Variants in SLC39A9 observed in about 807,000 individuals in gnomAD.
SLC39A9 encodes the protein solute carrier family 39 member 9.
In SLC39A9, 14 loss-of-function variants were observed where a neutral mutation model predicts 28.4. The observed-to-expected ratio is 0.49, with a 90% CI of 0.33 to 0.77. SLC39A9 has a LOEUF of 0.77. Ranked by LOEUF, SLC39A9 falls within the 30% of genes least tolerant of loss-of-function variation. The pLI is 0.02. For missense variants in SLC39A9, 283 were observed against 381.1 expected (o/e 0.74, Z 2.14); for synonymous variants, 119 against 149.6 (o/e 0.80, Z 1.49).
rs1298156997 is a variant in SLC39A9, at chr14:69,453,268, C to G, written c.431C>G (p.Ser144Cys). The change falls in exon 4 of 7, where the codon TCC becomes TGC. Residue 144 changes from serine to cysteine, a missense_variant. Physicochemically the swap from Ser to Cys is moderately radical, Grantham distance 112. Transcript: ENST00000336643. ...CCAGAAGCAGCAAGGTCTAGCAATT[C>G]CAAAATCACCACCACGCTGGGTCTG... ...DDPEAARSSN[S>C]KITTTLGLVV... 4 of 1,613,844 alleles carry G rather than the reference C, an allele frequency of 2.5e-6. No homozygotes were observed. The highest frequency in any genetic ancestry group is 3.4e-6 in the Non-Finnish European group (4 of 1,179,898).
At chr14:69,429,629 G>A (rs934033741) in intron 2 of SLC39A9, among the ~76,000 whole-genome samples, 1 of 152,188 alleles carries the variant, frequency 6.6e-6, no homozygotes, top group Non-Finnish European at 1.5e-5. Flanking sequence ...GAAGTGGGGG[G>A]ATTGCTTGAG....
chr14:69,407,925 C>T (rs1883033449), intron 1 of SLC39A9, among the ~76,000 whole-genome samples: 1 of 152,168 alleles, frequency 6.6e-6, no homozygotes, highest in African/African-American at 2.4e-5. Context: ...CCACCGCACC[C>T]GGCCCTGCTA....
intron 1 of SLC39A9, among the ~76,000 whole-genome samples, chr14:69,404,344 G>T (rs1158575516): frequency 6.6e-6 from 1 of 152,196 alleles, no homozygotes; most frequent in African/African-American, 2.4e-5. Flanking sequence ...GTCTGAGACA[G>T]TATCATTCAA....
At chr14:69,425,642 G>A (rs756640086) in intron 2 of SLC39A9, among the ~76,000 whole-genome samples, 133 of 151,572 alleles carry the variant, frequency 8.8e-4, no homozygotes, top group Non-Finnish European at 1.5e-3. Context: ...CCTGTTTCAG[G>A]TATAGTTGGG....
intron 1 of SLC39A9, among the ~76,000 whole-genome samples, chr14:69,412,679 G>A (rs145031625): frequency 6.6e-5 from 10 of 152,248 alleles, no homozygotes. Context: ...GGAAACTGCT[G>A]TGTGCCAGAT....
At chr14:69,439,586 T>C in intron 2 of SLC39A9, among the ~76,000 whole-genome samples, 1 of 152,176 alleles carries the variant, frequency 6.6e-6, no homozygotes, top group Non-Finnish European at 1.5e-5. Flanking sequence ...TGCTATGGTT[T>C]GGATATTTGT....
chr14:69,420,283 C>T (rs1200704564), intron 1 of SLC39A9, among the ~76,000 whole-genome samples: 2 of 152,180 alleles, frequency 1.3e-5, no homozygotes, highest in African/African-American at 4.8e-5. Context: ...ATATTAAATT[C>T]TGGGTTGAAA....
At chr14:69,444,726 A>G (rs1399566199) in intron 3 of SLC39A9, among the ~76,000 whole-genome samples, 1 of 152,234 alleles carries the variant, frequency 6.6e-6, no homozygotes, top group Non-Finnish European at 1.5e-5. Flanking sequence ...ATCATTGGAA[A>G]ATACTTAAAT....
Position 69,434,749 on chromosome 14 carries a change from G to A in SLC39A9, c.206-7320G>A, listed in dbSNP as rs114617798. 4.1e-3 allele frequency among the ~76,000 whole-genome samples: 618 copies of A among 152,160 alleles called. 6 individuals carry two copies. The highest frequency in any genetic ancestry group is 0.014 in the African/African-American group (596 of 41,530). On this transcript the variant is annotated intron_variant, in intron 2 of 6. Coordinates refer to ENST00000336643, the MANE Select transcript of SLC39A9 (RefSeq NM_018375.5). ...TATTTGCATCTCAAAATTTTAGTGTGCTATATTTTTATCTTTATTTAGTTC... is the reference window on the plus strand; with the variant it reads ...TATTTGCATCTCAAAATTTTAGTGTACTATATTTTTATCTTTATTTAGTTC...
intron 1 of SLC39A9, among the ~76,000 whole-genome samples, chr14:69,404,763 A>C (rs902379557): frequency 6.6e-6 from 1 of 151,358 alleles, no homozygotes; most frequent in Admixed American, 6.6e-5. Flanking sequence ...GCTTTATACT[A>C]TTTTTCTTAG....
intron 1 of SLC39A9, among the ~76,000 whole-genome samples, chr14:69,404,330 G>T (rs772791048): frequency 6.6e-6 from 1 of 152,158 alleles, no homozygotes; most frequent in Non-Finnish European, 1.5e-5. Flanking sequence ...TTTCAAAAGG[G>T]ACTGTCTGAG....
intron 1 of SLC39A9, among the ~76,000 whole-genome samples, chr14:69,405,792 CCA>C (rs1338109154): frequency 6.6e-6 from 1 of 152,018 alleles, no homozygotes; most frequent in Non-Finnish European, 1.5e-5. Flanking sequence ...TTTGTTTTCT[CCA>C]GGATACTATA....
chr14:69,422,255 G>A (rs1015110208), intron 1 of SLC39A9, among the ~76,000 whole-genome samples: 1 of 152,024 alleles, frequency 6.6e-6, no homozygotes, highest in African/African-American at 2.4e-5. Context: ...TTCCCTTGTG[G>A]TTTTGTTTAT....
chr14:69,444,541 T>C (rs1194402324), intron 3 of SLC39A9, among the ~76,000 whole-genome samples: 1 of 152,180 alleles, frequency 6.6e-6, no homozygotes, highest in Non-Finnish European at 1.5e-5. Flanking sequence ...GAATAGGCAC[T>C]CATATATTGG....
At chr14:69,438,989 A>G (rs1440525787) in intron 2 of SLC39A9, among the ~76,000 whole-genome samples, 2 of 152,230 alleles carry the variant, frequency 1.3e-5, no homozygotes, top group East Asian at 3.8e-4. Context: ...GGAAGAAGTA[A>G]AGTTGTCTCT....
intron 2 of SLC39A9, among the ~76,000 whole-genome samples, chr14:69,440,943 A>G (rs894917885): frequency 6.6e-6 from 1 of 152,130 alleles, no homozygotes; most frequent in Non-Finnish European, 1.5e-5. Context: ...GATTACAGGC[A>G]TGAGCCATTG....
chr14:69,436,436 C>G (rs1884757407), intron 2 of SLC39A9, among the ~76,000 whole-genome samples: 1 of 152,150 alleles, frequency 6.6e-6, no homozygotes, highest in South Asian at 2.1e-4. Flanking sequence ...GTATGCTGGA[C>G]ATTTTGAATA....
intron 6 of SLC39A9, among the ~76,000 whole-genome samples, chr14:69,457,538 C>G (rs988354478): frequency 1.3e-5 from 2 of 151,858 alleles, no homozygotes; most frequent in Non-Finnish European, 2.9e-5. Context: ...AGGTCAACTA[C>G]TGCATCTTGA....
intron 2 of SLC39A9, among the ~76,000 whole-genome samples, chr14:69,441,017 A>G (rs8021143): frequency 0.12 from 18,707 of 152,062 alleles, 1,369 homozygotes; most frequent in Middle Eastern, 0.24. Context: ...AGTGGCTCAT[A>G]CTTGTAATCC....
Sources: allele counts gnomAD v4.1 joint callset (sites outside exome capture counted in the v4.1 genomes callset), GRCh38; gene constraint gnomAD v4.1.1; transcripts MANE v1.5; gene names NCBI Gene and HGNC (gene_info 2026-07-23, HGNC 2026-07-21).